CSMD1: variants seen among roughly 807,000 people sequenced by gnomAD.
CSMD1 encodes CUB and Sushi multiple domains 1, also known as CUB and sushi domain-containing protein 1.
In CSMD1, 213 loss-of-function variants were observed where a neutral mutation model predicts 417.5. The observed-to-expected ratio is 0.51, with a 90% CI of 0.46 to 0.57. CSMD1 has a LOEUF of 0.57. CSMD1 is among the 20% of genes least tolerant of loss of function. The pLI is 0.00. For synonymous variants in CSMD1, 2,862 were observed against 1,736.8 expected, an observed-to-expected ratio of 1.65 and a Z score of -16.11; for missense variants, 6,923 against 4,529.7, an observed-to-expected ratio of 1.53 and a Z score of -15.17.
intron 54 of CSMD1, among the ~76,000 whole-genome samples, chr8:2,990,829 A>G (rs1806319237): frequency 6.6e-6 from 1 of 152,214 alleles, no homozygotes; most frequent in African/African-American, 2.4e-5. Context: ...GAGCTATGCA[A>G]GGTATTGAGC....
At chr8:3,729,922 TAAAAAAAAAAAAAAAAAAAA>T (rs1160679199) in intron 6 of CSMD1, among the ~76,000 whole-genome samples, 2 of 47,062 alleles carry the variant, frequency 4.2e-5, no homozygotes, top group African/African-American at 2.7e-4. Context: ...CAATTCAAAG[TAAAAAAAAAAAAAAAAAAAA>T]AAAAAAAAAA....
At chr8:4,691,301 T>A (rs1433039396) in intron 1 of CSMD1, among the ~76,000 whole-genome samples, 1 of 152,140 alleles carries the variant, frequency 6.6e-6, no homozygotes, top group South Asian at 2.1e-4. Context: ...CTGTAAGCCT[T>A]AGTTTAATTT....
At chr8:4,148,180 G>A (rs1178719805) in intron 3 of CSMD1, among the ~76,000 whole-genome samples, 1 of 151,974 alleles carries the variant, frequency 6.6e-6, no homozygotes, top group African/African-American at 2.4e-5. Context: ...AAGTCAGCTG[G>A]GACCACTATA....
At chr8:3,447,046 T>G (rs1413136692) in intron 12 of CSMD1, among the ~76,000 whole-genome samples, 1 of 152,212 alleles carries the variant, frequency 6.6e-6, no homozygotes, top group African/African-American at 2.4e-5. Context: ...AGAAAATTCT[T>G]AATAAAATTA....
chr8:4,402,792 ACTTTTTTCTTTTTTTTTTTTT>A (rs1804731512), intron 3 of CSMD1, among the ~76,000 whole-genome samples: 1 of 128,020 alleles, frequency 7.8e-6, no homozygotes, highest in African/African-American at 3.0e-5. Flanking sequence ...TAATGTCCTC[ACTTTTTTCTTTTTTTTTTTTT>A]TTTTTTTCTT....
In CSMD1 at chr8:2,938,696, G is replaced by T; in HGVS notation, c.10584C>A (p.Ser3528Arg). Residue 3528 changes from serine to arginine, a missense_variant, in exon 70 of 70, where the codon AGC (serine) becomes AGA (arginine). Transcript: ENST00000635120. Reference sequence around the variant, plus strand: ...GGTTTTCAAACGATGCTTGTCCATTGCTGTTTTCATGCCCAGCATAGCCAT... The same window carrying T: ...GGTTTTCAAACGATGCTTGTCCATTTCTGTTTTCATGCCCAGCATAGCCAT... ...QYNGYAGHEN[S>R]NGQASFENPM... 6.2e-7 allele frequency: 1 copy of T among 1,611,788 alleles called. No homozygotes were observed. Among genetic ancestry groups the T allele is most frequent in the Non-Finnish European group, 8.5e-7 (1 of 1,178,830 alleles).
chr8:3,826,055 C>T (rs1585052605), intron 5 of CSMD1, among the ~76,000 whole-genome samples: 1 of 152,276 alleles, frequency 6.6e-6, no homozygotes, highest in South Asian at 2.1e-4. Context: ...TGGAGGCCCA[C>T]ATAGACATCT....
At chr8:4,702,468 C>T (rs948149034) in intron 1 of CSMD1, among the ~76,000 whole-genome samples, 3 of 152,062 alleles carry the variant, frequency 2.0e-5, no homozygotes, top group African/African-American at 7.2e-5. Context: ...AAATAGTCCC[C>T]TTCAGTCAAA....
rs369089330 is a variant in CSMD1 at position 3,229,985 on chromosome 8, C to G, written c.4345+55G>C. 1.2e-4 allele frequency: 148 copies of G among 1,271,434 alleles called. No homozygotes were observed. In the South Asian group the frequency reaches 2.6e-3, roughly 22 times the overall value. The allele number at this position is 1,271,434 out of a possible 1,614,324, so 78.8% of individuals were successfully genotyped here. A position where few individuals can be genotyped will look rare whatever the true frequency, so the allele number is the denominator to read the frequency against. The stretch of plus-strand genomic sequence containing the variant: ...TAATACATTTACGGAGCGCTTTTAA[C>G]GACAACATGCATCCATTCCTGAATA... On this transcript the variant is annotated intron_variant, in intron 27 of 69. Transcript: ENST00000635120.
At chr8:4,521,027 G>A (rs564497655) in intron 2 of CSMD1, among the ~76,000 whole-genome samples, 9 of 152,064 alleles carry the variant, frequency 5.9e-5, no homozygotes, top group South Asian at 2.1e-4. Flanking sequence ...TTCAACCATC[G>A]CATATAAAAT....
At chr8:3,915,649 C>A (rs1446110809) in intron 5 of CSMD1, among the ~76,000 whole-genome samples, 1 of 151,276 alleles carries the variant, frequency 6.6e-6, no homozygotes, top group Non-Finnish European at 1.5e-5. Flanking sequence ...TTAACAGAAC[C>A]TGTGTACTTC....
intron 5 of CSMD1, among the ~76,000 whole-genome samples, chr8:3,947,788 G>A (rs145962201): frequency 2.0e-4 from 30 of 152,090 alleles, no homozygotes; most frequent in Non-Finnish European, 3.8e-4. Context: ...TGTGTCTTCC[G>A]CTGTTCAAGG....
intron 40 of CSMD1, among the ~76,000 whole-genome samples, chr8:3,146,022 G>A (rs1312335851): frequency 2.0e-5 from 3 of 152,138 alleles, no homozygotes; most frequent in Admixed American, 6.5e-5. Flanking sequence ...CCTCTGTTTT[G>A]CACCTTCTGT....
At chr8:4,003,625 A>T (rs979574090) in intron 4 of CSMD1, among the ~76,000 whole-genome samples, 5 of 152,226 alleles carry the variant, frequency 3.3e-5, no homozygotes, top group Non-Finnish European at 7.3e-5. Context: ...TATACATTAA[A>T]AAGATAAATT....
At chr8:3,850,023 T>G (rs1374595934) in intron 5 of CSMD1, among the ~76,000 whole-genome samples, 1 of 152,288 alleles carries the variant, frequency 6.6e-6, no homozygotes, top group Admixed American at 6.5e-5. Context: ...CTCAAACTTC[T>G]GACCTCAGGT....
chr8:3,767,533 A>T lies in CSMD1; in HGVS notation c.819-13491T>A, dbSNP rs963090228. Among the ~76,000 whole-genome samples the T allele has an allele frequency of 7.9e-5, 12 of 152,182 alleles. No homozygotes were observed. In the South Asian group the frequency reaches 1.2e-3, roughly 16 times the overall value. On this transcript the variant is annotated intron_variant, in intron 5 of 69. Coordinates refer to ENST00000635120, the MANE Select transcript of CSMD1 (RefSeq NM_033225.6). ...AGGCTTAGATTATGCTCTGATCCTC[A>T]CTTTATCCCATAACATCCAAAGCTG... is the stretch of plus-strand genomic sequence containing the variant.
rs747614397 is a variant in CSMD1, at chr8:4,919,291, T to C, written c.85+75041A>G. On this transcript the variant is annotated intron_variant, in intron 1 of 69. Coordinates refer to ENST00000635120, the MANE Select transcript of CSMD1 (RefSeq NM_033225.6). ...AAGAAGAGTTCTGTCAATTAGAGTATATTTAGAACCACGGGTTAGATGTAA... is the reference window on the plus strand; with the variant it reads ...AAGAAGAGTTCTGTCAATTAGAGTACATTTAGAACCACGGGTTAGATGTAA... 1.2e-4 allele frequency among the ~76,000 whole-genome samples: 19 copies of C among 152,336 alleles called. No homozygotes were observed. The East Asian group carries it at 1.5e-3, about 12-fold the overall frequency.
At chr8:3,843,428 A>G (rs972613126) in intron 5 of CSMD1, among the ~76,000 whole-genome samples, 3 of 152,218 alleles carry the variant, frequency 2.0e-5, no homozygotes, top group Non-Finnish European at 2.9e-5. Context: ...TTGGTTTCAG[A>G]GTAATTAAGA....
At chr8:3,737,362 T>A (rs2720822) in intron 6 of CSMD1, among the ~76,000 whole-genome samples, 143,241 of 152,158 alleles carry the variant, frequency 0.94, 68,093 homozygotes, top group East Asian at 1. Flanking sequence ...CCCCTTTCTC[T>A]ATCACATTCT....
Sources: allele counts gnomAD v4.1 joint callset (sites outside exome capture counted in the v4.1 genomes callset), GRCh38; gene constraint gnomAD v4.1.1; transcripts MANE v1.5; gene names NCBI Gene and HGNC (gene_info 2026-07-23, HGNC 2026-07-21).